ELMO1: variants seen among roughly 807,000 people sequenced by gnomAD.
The protein encoded by ELMO1 is engulfment and cell motility protein 1.
A neutral mutation model predicts 98.9 loss-of-function variants in ELMO1; 26 were observed. The ratio of observed to expected loss-of-function variants is 0.26; its 90% CI spans 0.19 to 0.36. ELMO1 has a LOEUF of 0.36. Ranked by LOEUF, ELMO1 falls within the 10% of genes least tolerant of loss-of-function variation. The probability of loss-of-function intolerance (pLI) is 1.00; values close to 1 mark genes in which losing one functional copy is unlikely to be tolerated. For synonymous variants in ELMO1, 346 were observed against 346.0 expected, an observed-to-expected ratio of 1.00 and a Z score of 0.00; for missense variants, 627 against 935.2, an observed-to-expected ratio of 0.67 and a Z score of 4.30.
At chr7:36,966,965 T>C (rs138615244) in intron 16 of ELMO1, among the ~76,000 whole-genome samples, 1 of 152,250 alleles carries the variant, frequency 6.6e-6, no homozygotes, top group African/African-American at 2.4e-5. Flanking sequence ...GAAATAGACA[T>C]GGAGAATAAG....
intron 16 of ELMO1, among the ~76,000 whole-genome samples, chr7:36,981,087 C>A (rs117929776): frequency 0.034 from 5,051 of 149,670 alleles, 111 homozygotes; most frequent in Middle Eastern, 0.1. Context: ...TTTTTTTTTT[C>A]TTACTGTTTT....
chr7:37,190,871 ATACT>A (rs972308061), intron 13 of ELMO1, among the ~76,000 whole-genome samples: 8 of 152,132 alleles, frequency 5.3e-5, no homozygotes, highest in Admixed American at 2.0e-4. Context: ...TCATGAAAGC[ATACT>A]TACTTATACA....
chr7:36,969,812 C>T (rs1789761040), intron 16 of ELMO1, among the ~76,000 whole-genome samples: 1 of 152,218 alleles, frequency 6.6e-6, no homozygotes, highest in East Asian at 1.9e-4. Context: ...AAAACAAACT[C>T]TAAATAAATC....
intron 1 of ELMO1, among the ~76,000 whole-genome samples, chr7:37,439,626 T>G (rs1424782625): frequency 6.6e-6 from 1 of 152,212 alleles, no homozygotes; most frequent in Non-Finnish European, 1.5e-5. Context: ...AGCTTGAAAA[T>G]ATTTATATAC....
chr7:37,128,650 C>G (rs1187367112), intron 14 of ELMO1, among the ~76,000 whole-genome samples: 1 of 152,046 alleles, frequency 6.6e-6, no homozygotes, highest in African/African-American at 2.4e-5. Flanking sequence ...ATTCACATAT[C>G]AAAAATATAC....
chr7:36,952,289 C>A (rs1788029509), intron 16 of ELMO1, among the ~76,000 whole-genome samples: 1 of 152,168 alleles, frequency 6.6e-6, no homozygotes, highest in African/African-American at 2.4e-5. Flanking sequence ...TGTTTGGTAA[C>A]CTCTTAGTGA....
At chr7:37,379,292 G>A (rs771573049) in intron 1 of ELMO1, among the ~76,000 whole-genome samples, 3 of 151,968 alleles carry the variant, frequency 2.0e-5, no homozygotes, top group Non-Finnish European at 4.4e-5. Context: ...CACCCACCTC[G>A]GCCTCCCAAA....
chr7:37,140,793 A>C (rs1355833625), intron 13 of ELMO1, among the ~76,000 whole-genome samples: 1 of 152,192 alleles, frequency 6.6e-6, no homozygotes, highest in Non-Finnish European at 1.5e-5. Flanking sequence ...GCTCAACATC[A>C]GTAATAATCA....
intron 1 of ELMO1, chr7:37,375,777 G>T: frequency 1.0e-6 from 1 of 1,000,284 alleles, no homozygotes; most frequent in Non-Finnish European, 1.6e-6. Context: ...ACCTTCATCT[G>T]ACCCTGGAGA....
chr7:36,998,329 T>C (rs988919572), intron 16 of ELMO1, among the ~76,000 whole-genome samples: 1 of 151,864 alleles, frequency 6.6e-6, no homozygotes, highest in Non-Finnish European at 1.5e-5. Flanking sequence ...GCTACAGAGG[T>C]TTTCAAGTAT....
intron 14 of ELMO1, among the ~76,000 whole-genome samples, chr7:37,109,121 G>T (rs1007982311): frequency 6.6e-6 from 1 of 152,042 alleles, no homozygotes; most frequent in Non-Finnish European, 1.5e-5. Context: ...AATACAAGCT[G>T]GGGGGAAAAC....
intron 4 of ELMO1, among the ~76,000 whole-genome samples, chr7:37,280,268 G>T (rs2130899191): frequency 6.6e-6 from 1 of 152,318 alleles, no homozygotes; most frequent in South Asian, 2.1e-4. Context: ...AACATCGGAA[G>T]AACCCTTCTA....
chr7:36,997,892 A>G (rs951826828), intron 16 of ELMO1: 1 of 152,352 alleles, frequency 6.6e-6, no homozygotes, highest in Non-Finnish European at 1.5e-5. Context: ...AACAAGAACA[A>G]TCAGAAGATG....
At chr7:37,154,952 A>G (rs1268267514) in intron 13 of ELMO1, among the ~76,000 whole-genome samples, 1 of 152,238 alleles carries the variant, frequency 6.6e-6, no homozygotes, top group Non-Finnish European at 1.5e-5. Flanking sequence ...CCATCAGACT[A>G]ACAGCGGATC....
chr7:36,962,534 GAGTC>G (rs1037828729), intron 16 of ELMO1, among the ~76,000 whole-genome samples: 1 of 152,140 alleles, frequency 6.6e-6, no homozygotes, highest in African/African-American at 2.4e-5. Context: ...GTAAGCATGA[GAGTC>G]AGGGCATTTT....
intron 6 of ELMO1, 98 bp from the exon 7 acceptor site, chr7:37,244,489 G>A: frequency 1.5e-6 from 2 of 1,311,594 alleles, no homozygotes; most frequent in South Asian, 2.6e-5. Context: ...TTAGATTTAG[G>A]ACAGATTTAA....
chr7:36,933,057 C>T (rs1786178091), intron 16 of ELMO1, among the ~76,000 whole-genome samples: 1 of 152,184 alleles, frequency 6.6e-6, no homozygotes, highest in African/African-American at 2.4e-5. Context: ...CACAATCCCG[C>T]ACTGCCATGA....
chr7:37,094,042 G>A (rs1393665291), intron 15 of ELMO1, among the ~76,000 whole-genome samples: 3 of 152,144 alleles, frequency 2.0e-5, no homozygotes, highest in South Asian at 2.1e-4. Flanking sequence ...GAACTCCTTC[G>A]GGGACAAGGA....
chr7:37,169,610 A>G (rs993078760), intron 13 of ELMO1, among the ~76,000 whole-genome samples: 4 of 152,238 alleles, frequency 2.6e-5, no homozygotes, highest in African/African-American at 9.6e-5. Flanking sequence ...TAATCACGCT[A>G]AGAAATTAAG....
Sources: gnomAD v4.1 joint callset for allele counts (sites outside exome capture counted in the v4.1 genomes callset) on GRCh38, gnomAD v4.1.1 for gene constraint, MANE v1.5 for transcripts, NCBI Gene and HGNC (gene_info 2026-07-23, HGNC 2026-07-21) for gene names.